The following CPNE8 variants were observed in gnomAD, a reference collection of about 807,000 sequenced individuals.
The protein encoded by CPNE8 is copine 8.
A neutral mutation model predicts 81.5 loss-of-function variants in CPNE8; 45 were observed. The ratio of observed to expected loss-of-function variants is 0.55; its 90% confidence interval spans 0.44 to 0.71. The LOEUF (loss-of-function observed/expected upper bound fraction) is 0.71. CPNE8 is among the 30% of genes least tolerant of loss of function. The pLI is 0.00. For missense variants in CPNE8, 594 were observed against 672.1 expected (o/e 0.88, Z 1.28); for synonymous variants, 252 against 226.3 (o/e 1.11, Z -1.02).
At chr12:38,701,232 A>C (rs1939934801) in intron 14 of CPNE8, among the ~76,000 whole-genome samples, 1 of 152,160 alleles carries the variant, frequency 6.6e-6, no homozygotes, top group Non-Finnish European at 1.5e-5. Flanking sequence ...TTACCAGTGA[A>C]GCTATCTGGC....
At chr12:38,763,196 C>T (rs1941608035) in intron 8 of CPNE8, among the ~76,000 whole-genome samples, 1 of 152,126 alleles carries the variant, frequency 6.6e-6, no homozygotes, top group Non-Finnish European at 1.5e-5. Context: ...TAGATGGGAT[C>T]CTGAGCATCA....
At chr12:38,802,663 C>G (rs1004883836) in intron 6 of CPNE8, among the ~76,000 whole-genome samples, 3 of 151,662 alleles carry the variant, frequency 2.0e-5, no homozygotes, top group Admixed American at 1.3e-4. Context: ...AAAATCAGAG[C>G]AGAACTGAAG....
chr12:38,711,775 T>G (rs1369606145), intron 13 of CPNE8, among the ~76,000 whole-genome samples: 3 of 152,182 alleles, frequency 2.0e-5, no homozygotes, highest in Non-Finnish European at 2.9e-5. Flanking sequence ...GGCCCAAGTA[T>G]ACATTTTAAA....
In CPNE8 at chr12:38,653,926, G is replaced by GA; in HGVS notation, c.1650dup (p.Pro551SerfsTer19). The GA allele has an allele frequency of 6.2e-7, 1 of 1,613,616 alleles. No individual in the cohort carries two copies. Among genetic ancestry groups the GA allele is most frequent in the Non-Finnish European group, 8.5e-7 (1 of 1,179,938 alleles). On this transcript the variant is annotated frameshift_variant, in exon 20 of 20. Transcript: ENST00000331366. LOFTEE classifies it high-confidence loss of function. ...ACATGTGTAGGTGGGGTGTATGGGG[G>GA]AGGCGCAGGTGATGGCTTGATTCCT...
rs1943597058 is a variant in CPNE8 at position 38,848,784 on chromosome 12, T to G, written c.187-122A>C. 3.9e-6 allele frequency: 5 copies of G among 1,267,286 alleles called. No individual in the cohort carries two copies. The African/African-American group carries it at 8.0e-5, about 20-fold the overall frequency. 78.5% of individuals were successfully genotyped at this position (1,267,286 alleles called of 1,614,324 possible). A position where few individuals can be genotyped will look rare whatever the true frequency, so the allele number is the denominator to read the frequency against. On this transcript the variant is annotated intron_variant, in intron 3 of 19. Transcript: ENST00000331366. ...AATAAATATCCAAATAATAGAAATT[T>G]TTTAGCGATAAAATCACCTCTCTTA...
Position 38,762,209 on chromosome 12 carries a change from T to A in CPNE8, c.583A>T (p.Ile195Phe). ...TTGACAACTTCTGTCTTGTGACAAA[T>A]TGTAAAACTATAAAGAAAGAGTTTT... Reference protein sequence around the residue: ...YRSNEDGSFTICHKTEVVKNT... With the variant: ...YRSNEDGSFTFCHKTEVVKNT... Residue 195 changes from isoleucine (I) to phenylalanine (F), a missense_variant, in exon 9 of 20, where the codon ATT becomes TTT. By Grantham distance (21) the Ile-to-Phe change is conservative (BLOSUM62 0). Coordinates refer to ENST00000331366, the MANE Select transcript of CPNE8 (RefSeq NM_153634.3). 3 of 1,570,886 alleles carry A rather than the reference T, an allele frequency of 1.9e-6. No individual in the cohort carries two copies. Among genetic ancestry groups the A allele is most frequent in the Non-Finnish European group, 2.6e-6 (3 of 1,152,482 alleles).
chr12:38,721,585 G>T (rs1284307726), intron 13 of CPNE8, among the ~76,000 whole-genome samples: 5 of 152,208 alleles, frequency 3.3e-5, no homozygotes, highest in Non-Finnish European at 7.3e-5. Context: ...TATAGGAGAA[G>T]AACTTGGGAC....
At chr12:38,870,411 G>A (rs555519463) in intron 3 of CPNE8, among the ~76,000 whole-genome samples, 1 of 152,310 alleles carries the variant, frequency 6.6e-6, no homozygotes, top group East Asian at 1.9e-4. Flanking sequence ...ATCAGTGATA[G>A]ACTGGATAAA....
intron 10 of CPNE8, among the ~76,000 whole-genome samples, chr12:38,741,107 CA>C (rs1416091557): frequency 6.6e-6 from 1 of 152,082 alleles, no homozygotes; most frequent in Non-Finnish European, 1.5e-5. Flanking sequence ...CCATACTGCC[CA>C]AGGTAATTTA....
chr12:38,880,130 T>G (rs1205104466), intron 1 of CPNE8, among the ~76,000 whole-genome samples: 1 of 152,244 alleles, frequency 6.6e-6, no homozygotes, highest in Non-Finnish European at 1.5e-5. Context: ...AGAATAAATT[T>G]TCCACATGTG....
chr12:38,724,958 G>C (rs1224800780), intron 11 of CPNE8, 59 bp from the exon 12 acceptor site: 1 of 1,385,208 alleles, frequency 7.2e-7, no homozygotes, highest in Non-Finnish European at 1.0e-6. Context: ...GTTTTATATT[G>C]AATTTTTAAA....
chr12:38,704,112 A>G (rs1940024921), intron 13 of CPNE8, among the ~76,000 whole-genome samples: 1 of 152,188 alleles, frequency 6.6e-6, no homozygotes, highest in Non-Finnish European at 1.5e-5. Flanking sequence ...GAGAGATGGA[A>G]GAAGGGTGGC....
Position 38,669,416 on chromosome 12 carries a change from G to A in CPNE8, c.1506+1313C>T, listed in dbSNP as rs186145331. ...CTTTTGTCTAAGAGTTCTATTTCAG[G>A]AATATATTTTATATGCATTATCTCA... On this transcript the variant is annotated intron_variant, in intron 19 of 19. Transcript: ENST00000331366. 1.2e-3 allele frequency among the ~76,000 whole-genome samples: 185 copies of A among 152,024 alleles called. 1 individual carries two copies. Among genetic ancestry groups the A allele is most frequent in the Non-Finnish European group, 2.3e-3 (154 of 67,968 alleles).
At chr12:38,665,395 A>G (rs1399771591) in intron 19 of CPNE8, among the ~76,000 whole-genome samples, 1 of 152,206 alleles carries the variant, frequency 6.6e-6, no homozygotes, top group Admixed American at 6.5e-5. Flanking sequence ...ATTTTATTCT[A>G]TAGGAAGTAT....
At chr12:38,735,058 A>G (rs1228499628) in intron 10 of CPNE8, among the ~76,000 whole-genome samples, 1 of 152,044 alleles carries the variant, frequency 6.6e-6, no homozygotes, top group Non-Finnish European at 1.5e-5. Context: ...CAACTTCTCT[A>G]ATTTGGATGC....
intron 6 of CPNE8, among the ~76,000 whole-genome samples, chr12:38,792,079 G>A (rs1032421106): frequency 6.6e-6 from 1 of 150,448 alleles, no homozygotes; most frequent in Admixed American, 6.6e-5. Flanking sequence ...ATGATATAGT[G>A]AAAGTAGTAC....
At chr12:38,877,470 A>G in intron 1 of CPNE8, among the ~76,000 whole-genome samples, 1 of 152,012 alleles carries the variant, frequency 6.6e-6, no homozygotes, top group Non-Finnish European at 1.5e-5. Context: ...CTACCATTTT[A>G]TAACATGATG....
intron 15 of CPNE8, among the ~76,000 whole-genome samples, chr12:38,687,950 G>GT (rs1417380245): frequency 6.6e-6 from 1 of 152,152 alleles, no homozygotes; most frequent in East Asian, 1.9e-4. Flanking sequence ...AGCAGTTAGT[G>GT]TTTTGATGTT....
intron 6 of CPNE8, among the ~76,000 whole-genome samples, chr12:38,814,996 G>T (rs1379119831): frequency 6.6e-6 from 1 of 151,984 alleles, no homozygotes; most frequent in Non-Finnish European, 1.5e-5. Context: ...TTTCTGCTTT[G>T]GTCACACATT....
Sources: allele counts gnomAD v4.1 joint callset (sites outside exome capture counted in the v4.1 genomes callset), GRCh38; gene constraint gnomAD v4.1.1; transcripts MANE v1.5; gene names NCBI Gene and HGNC (gene_info 2026-07-23, HGNC 2026-07-21).